The following USP31 variants were observed in gnomAD, a reference collection of about 807,000 sequenced individuals.
USP31 encodes the protein ubiquitin specific peptidase 31, also known as ubiquitin carboxyl-terminal hydrolase 31.
A neutral mutation model predicts 119.4 loss-of-function variants in USP31; 44 were observed. The ratio of observed to expected loss-of-function variants is 0.37; its 90% CI spans 0.29 to 0.47. The LOEUF is 0.47. USP31 is among the 20% of genes least tolerant of loss of function. The pLI is 0.99. For missense variants in USP31, 1,643 were observed against 1,730.2 expected (o/e 0.95, Z 0.89); for synonymous variants, 749 against 705.6 (o/e 1.06, Z -0.97).
At chr16:23,139,475 A>T (rs1173239109) in intron 1 of USP31, among the ~76,000 whole-genome samples, 1 of 152,258 alleles carries the variant, frequency 6.6e-6, no homozygotes, top group Non-Finnish European at 1.5e-5. Context: ...CAGCGCTAAG[A>T]GCAGGTAGTC....
chr16:23,121,927 AG>A (rs1404904570), intron 1 of USP31, among the ~76,000 whole-genome samples: 2 of 152,218 alleles, frequency 1.3e-5, no homozygotes, highest in Admixed American at 6.5e-5. Context: ...CATTACAACC[AG>A]AAGCCATCTA....
At chr16:23,069,858 C>T (rs1050629040) in intron 15 of USP31, among the ~76,000 whole-genome samples, 4 of 152,196 alleles carry the variant, frequency 2.6e-5, no homozygotes, top group Admixed American at 6.5e-5. Context: ...AACTTCTATT[C>T]GCCTCCTTGC....
intron 11 of USP31, 130 bp from the exon 12 acceptor site, chr16:23,082,687 T>C: frequency 3.2e-6 from 4 of 1,268,308 alleles, no homozygotes; most frequent in East Asian, 2.5e-5. Flanking sequence ...TGGGCATCAA[T>C]GGAATAACAC....
chr16:23,069,437 G>T lies in USP31; in HGVS notation c.2668C>A (p.His890Asn), dbSNP rs1393361072. The T allele has an allele frequency of 6.8e-6, 11 of 1,614,208 alleles. No homozygotes were observed. The highest frequency in any genetic ancestry group is 9.3e-6 in the Non-Finnish European group (11 of 1,180,030). Residue 890 changes from histidine (H) to asparagine (N), a missense_variant, in exon 16 of 16, where the codon CAC (histidine) becomes AAC (asparagine). Transcript: ENST00000219689. ...PSRFSGDSPI[H>N]SSASTLEKIG... is the part of the protein sequence containing the mutation. ...TTCTCCAAGGTGGAAGCAGAGCTGT[G>T]AATTGGCGAATCCCCTGAAAATCGG...
At chr16:23,085,506 A>G in intron 10 of USP31, 79 bp downstream of exon 10, 1 of 1,288,032 alleles carries the variant, frequency 7.8e-7, no homozygotes, top group South Asian at 1.3e-5. Flanking sequence ...GTTTCAGCTC[A>G]TTTAACATAT....
chr16:23,127,643 T>TC (rs1902903784), intron 1 of USP31, among the ~76,000 whole-genome samples: 1 of 83,338 alleles, frequency 1.2e-5, no homozygotes, highest in Admixed American at 1.5e-4. Context: ...ATTTTTGTAG[T>TC]TTTTTTTTTT....
rs1473619262 is a variant in USP31, at chr16:23,067,894, GACACACACACGCATACACTC to G, written c.*132_*151del. 3 of 979,684 alleles carry G rather than the reference GACACACACACGCATACACTC, an allele frequency of 3.1e-6. No individual in the cohort carries two copies. In the East Asian group the frequency reaches 8.1e-5, roughly 26 times the overall value. 60.7% of individuals were successfully genotyped at this position (979,684 alleles called of 1,614,324 possible). A position where few individuals can be genotyped will look rare whatever the true frequency, so the allele number is the denominator to read the frequency against. ...CTTTGAACAATTTGCAATTGAATTAGACACACACACGCATACACTCACACACACACACACAGTCGGGCACG... is the reference window on the plus strand; with the variant it reads ...CTTTGAACAATTTGCAATTGAATTAGACACACACACACACAGTCGGGCACG... On this transcript the variant is annotated 3_prime_UTR_variant, in exon 16 of 16. Coordinates refer to ENST00000219689, the MANE Select transcript of USP31 (RefSeq NM_020718.4).
chr16:23,095,596 G>A (rs984735519), intron 6 of USP31, among the ~76,000 whole-genome samples: 4 of 152,208 alleles, frequency 2.6e-5, no homozygotes, highest in African/African-American at 4.8e-5. Context: ...GGCAGCCAGA[G>A]TGAAAGGTCA....
chr16:23,110,480 T>C (rs937720208), intron 1 of USP31, among the ~76,000 whole-genome samples: 16 of 152,112 alleles, frequency 1.1e-4, no homozygotes, highest in African/African-American at 3.6e-4. Flanking sequence ...CCAGGTCTAT[T>C]AGACAGAATG....
intron 5 of USP31, 36 bp downstream of exon 5, chr16:23,105,405 T>G (rs762167111): frequency 6.6e-7 from 1 of 1,525,532 alleles, no homozygotes; most frequent in Non-Finnish European, 8.8e-7. Context: ...AATACTTTTG[T>G]GGCTCATGTG....
chr16:23,070,490 G>A (rs1231558723), intron 15 of USP31, among the ~76,000 whole-genome samples: 2 of 152,110 alleles, frequency 1.3e-5, no homozygotes, highest in Non-Finnish European at 2.9e-5. Flanking sequence ...GAGGTGGGCA[G>A]ATCACGATGT....
At chr16:23,099,508 A>ACACATG (rs1484901132) in intron 6 of USP31, among the ~76,000 whole-genome samples, 2 of 152,212 alleles carry the variant, frequency 1.3e-5, no homozygotes, top group South Asian at 2.1e-4. Flanking sequence ...TACTAAAAAG[A>ACACATG]CACATGCACA....
chr16:23,146,940 C>A (rs1903527133), intron 1 of USP31, among the ~76,000 whole-genome samples: 1 of 147,564 alleles, frequency 6.8e-6, no homozygotes, highest in African/African-American at 2.5e-5. Flanking sequence ...CCTGCCAATG[C>A]TTCTAGACTT....
At chr16:23,073,322 G>A (rs565927389) in intron 14 of USP31, among the ~76,000 whole-genome samples, 1 of 152,108 alleles carries the variant, frequency 6.6e-6, no homozygotes, top group East Asian at 1.9e-4. Flanking sequence ...GGATGCTTAC[G>A]ATGACCCCAT....
intron 1 of USP31, among the ~76,000 whole-genome samples, chr16:23,127,500 T>C (rs551985919): frequency 6.6e-6 from 1 of 152,216 alleles, no homozygotes; most frequent in South Asian, 2.1e-4. Context: ...TCTCACTCTG[T>C]CGTCCAGGCT....
intron 1 of USP31, among the ~76,000 whole-genome samples, chr16:23,126,617 ACT>A (rs1193161512): frequency 6.7e-6 from 1 of 149,780 alleles, no homozygotes; most frequent in Non-Finnish European, 1.5e-5. Context: ...ACAGAGCAAG[ACT>A]CTGTCTCAAA....
chr16:23,070,369 T>C (rs1266007922), intron 15 of USP31, among the ~76,000 whole-genome samples: 5 of 152,180 alleles, frequency 3.3e-5, no homozygotes, highest in Non-Finnish European at 7.3e-5. Flanking sequence ...CTAAAAAGAC[T>C]TGGATATCAT....
At chr16:23,147,838 G>A (rs955727258) in intron 1 of USP31, among the ~76,000 whole-genome samples, 3 of 152,194 alleles carry the variant, frequency 2.0e-5, no homozygotes, top group Admixed American at 6.5e-5. Flanking sequence ...TAAATACTCT[G>A]GAAGGTGAGG....
chr16:23,108,133 A>T lies in USP31; in HGVS notation c.684T>A (p.Asp228Glu). Residue 228 changes from aspartate to glutamate, a missense_variant, in exon 2 of 16, where the codon GAT becomes GAA. This residue lies in a region of USP31 where 144 missense variants were observed against 218.0 expected (regional missense o/e 0.66). Coordinates refer to ENST00000219689, the MANE Select transcript of USP31 (RefSeq NM_020718.4). ...ALQYRGNSQHDAQEFLLWLLD... is the reference protein window; with the variant it reads ...ALQYRGNSQHEAQEFLLWLLD... ...AAAGCCACAGCAGAAACTCCTGGGC[A>T]TCATGTTGGGAATTTCCCCGGTACT... is the stretch of plus-strand genomic sequence containing the variant. 6.2e-7 allele frequency: 1 copy of T among 1,613,996 alleles called. No individual in the cohort carries two copies. The highest frequency in any genetic ancestry group is 8.5e-7 in the Non-Finnish European group (1 of 1,179,936).
Sources: allele counts gnomAD v4.1 joint callset (sites outside exome capture counted in the v4.1 genomes callset), GRCh38; gene constraint gnomAD v4.1.1; regional missense constraint gnomAD v4.1.1; transcripts MANE v1.5; gene names NCBI Gene and HGNC (gene_info 2026-07-23, HGNC 2026-07-21).